BNC2: variants seen among roughly 807,000 people sequenced by gnomAD.
BNC2 encodes basonuclin zinc finger protein 2.
BNC2 carries 20 observed loss-of-function variants against 76.3 expected under a neutral mutation model. The observed-to-expected ratio is 0.26, with a 90% CI of 0.18 to 0.38. The LOEUF is 0.38. Among genes scored for constraint, BNC2 ranks in the 10% least tolerant of loss-of-function variants. The probability of loss-of-function intolerance (pLI) is 1.00; values close to 1 mark genes in which losing one functional copy is unlikely to be tolerated. For synonymous variants in BNC2, 582 were observed against 514.8 expected, an observed-to-expected ratio of 1.13 and a Z score of -1.77; for missense variants, 1,382 against 1,399.8, an observed-to-expected ratio of 0.99 and a Z score of 0.20.
intron 2 of BNC2, 85 bp downstream of exon 2, chr9:16,738,275 A>C (rs1587366913): frequency 7.0e-7 from 1 of 1,420,290 alleles, no homozygotes; most frequent in African/African-American, 1.4e-5. Flanking sequence ...CAGAAAGAAG[A>C]GGTGAGAGAT....
rs181421009 is a variant in BNC2, at chr9:16,801,520, G to A, written c.4-63035C>T. On this transcript the variant is annotated intron_variant, in intron 1 of 6. Transcript: ENST00000380672. ...CAAAGTGCTGGGATTACAGGCGTGA[G>A]CCACCGTGGCCAGCCCCATTCCTCA... Among the ~76,000 whole-genome samples, 511 of 151,952 alleles carry A rather than the reference G, an allele frequency of 3.4e-3. 7 individuals are homozygous for A. Among genetic ancestry groups the A allele is most frequent in the South Asian group, 0.026 (124 of 4,804 alleles).
chr9:16,549,234 A>G (rs569592951), intron 5 of BNC2, among the ~76,000 whole-genome samples: 115 of 152,348 alleles, frequency 7.5e-4, no homozygotes, highest in African/African-American at 2.6e-3. Flanking sequence ...TTTGTCCCAC[A>G]GAGAGTTAAA....
chr9:16,715,299 C>G (rs978962616), intron 3 of BNC2, among the ~76,000 whole-genome samples: 1 of 152,038 alleles, frequency 6.6e-6, no homozygotes, highest in African/African-American at 2.4e-5. Context: ...AAATGTGGGT[C>G]ATAAGGAGAA....
chr9:16,579,825 G>A (rs963169558), intron 4 of BNC2: 2 of 310,174 alleles, frequency 6.4e-6, no homozygotes, highest in East Asian at 5.3e-5. Context: ...CAAGAAAGGA[G>A]GTCAACAAAT....
chr9:16,770,082 A>C (rs920812538), intron 1 of BNC2, among the ~76,000 whole-genome samples: 1 of 152,184 alleles, frequency 6.6e-6, no homozygotes, highest in African/African-American at 2.4e-5. Context: ...GCCAGAAACA[A>C]GGAGGTCTTT....
chr9:16,629,354 C>T (rs907795114), intron 3 of BNC2, among the ~76,000 whole-genome samples: 1 of 152,162 alleles, frequency 6.6e-6, no homozygotes, highest in African/African-American at 2.4e-5. Flanking sequence ...CCAGAAGACT[C>T]ACTACATTCA....
At chr9:16,614,247 G>A (rs989666928) in intron 3 of BNC2, among the ~76,000 whole-genome samples, 40 of 152,086 alleles carry the variant, frequency 2.6e-4, no homozygotes, top group Non-Finnish European at 7.4e-5. Context: ...GTTGGCCATT[G>A]GCCAAAACTT....
At chr9:16,681,987 G>A (rs147431760) in intron 3 of BNC2, among the ~76,000 whole-genome samples, 125 of 151,794 alleles carry the variant, frequency 8.2e-4, no homozygotes, top group African/African-American at 2.7e-3. Context: ...CTGCTCTACC[G>A]GCAACACCAC....
chr9:16,646,377 T>C (rs1821624642), intron 3 of BNC2, among the ~76,000 whole-genome samples: 1 of 152,192 alleles, frequency 6.6e-6, no homozygotes, highest in Non-Finnish European at 1.5e-5. Flanking sequence ...TATGTCTAAA[T>C]ATTCATTTTT....
At chr9:16,481,053 A>T (rs1190982951) in intron 5 of BNC2, among the ~76,000 whole-genome samples, 1 of 152,182 alleles carries the variant, frequency 6.6e-6, no homozygotes, top group East Asian at 1.9e-4. Flanking sequence ...ATCTAGCTCA[A>T]GGTTTGTAAA....
At chr9:16,836,759 CT>C (rs994502007) in intron 1 of BNC2, among the ~76,000 whole-genome samples, 14 of 151,022 alleles carry the variant, frequency 9.3e-5, no homozygotes, top group African/African-American at 1.7e-4. Context: ...TCTAATAATA[CT>C]TTTTTTTTCA....
chr9:16,617,489 G>C (rs1218500194), intron 3 of BNC2, among the ~76,000 whole-genome samples: 1 of 148,992 alleles, frequency 6.7e-6, no homozygotes, highest in African/African-American at 2.5e-5. Context: ...ACAAAGCCCT[G>C]TAGAGCCAGC....
intron 5 of BNC2, among the ~76,000 whole-genome samples, chr9:16,451,444 G>A (rs1451043035): frequency 6.6e-6 from 1 of 152,018 alleles, no homozygotes; most frequent in African/African-American, 2.4e-5. Context: ...AACCTTTCAT[G>A]GCTCCCTATT....
intron 1 of BNC2, among the ~76,000 whole-genome samples, chr9:16,858,149 G>A (rs1586941176): frequency 6.6e-6 from 1 of 152,102 alleles, no homozygotes; most frequent in Non-Finnish European, 1.5e-5. Flanking sequence ...GGGATGTCTA[G>A]GAAGACAAAT....
At chr9:16,723,745 G>A (rs912301520) in intron 3 of BNC2, among the ~76,000 whole-genome samples, 16 of 151,964 alleles carry the variant, frequency 1.1e-4, no homozygotes, top group Admixed American at 9.8e-4. Context: ...GTGAGCAGAC[G>A]CTCTGGTATT....
chr9:16,690,981 T>C (rs1334346990), intron 3 of BNC2, among the ~76,000 whole-genome samples: 1 of 152,162 alleles, frequency 6.6e-6, no homozygotes, highest in Non-Finnish European at 1.5e-5. Flanking sequence ...AACAGTGCCC[T>C]GGGCTCTGTG....
chr9:16,779,840 G>T (rs61562818), intron 1 of BNC2, among the ~76,000 whole-genome samples: 3,115 of 152,180 alleles, frequency 0.02, 103 homozygotes, highest in African/African-American at 0.071. Flanking sequence ...GCAGTGTTGT[G>T]GGGGGGCCAG....
At chr9:16,508,975 C>T (rs989949103) in intron 5 of BNC2, among the ~76,000 whole-genome samples, 1 of 152,080 alleles carries the variant, frequency 6.6e-6, no homozygotes, top group Non-Finnish European at 1.5e-5. Context: ...TACATGCTAT[C>T]ACACCTGGCT....
chr9:16,757,287 T>C (rs1825413716), intron 1 of BNC2, among the ~76,000 whole-genome samples: 1 of 152,244 alleles, frequency 6.6e-6, no homozygotes, highest in Non-Finnish European at 1.5e-5. Context: ...CTTAAATCTC[T>C]TGCTATATGG....
Sources: allele counts gnomAD v4.1 joint callset (sites outside exome capture counted in the v4.1 genomes callset), GRCh38; gene constraint gnomAD v4.1.1; transcripts MANE v1.5; gene names NCBI Gene and HGNC (gene_info 2026-07-23, HGNC 2026-07-21).